LUZP1: variants seen among roughly 807,000 people sequenced by gnomAD.
The protein encoded by LUZP1 is leucine zipper protein 1, also known as filamin mechanobinding actin cross-linking protein.
A neutral mutation model predicts 71.3 loss-of-function variants in LUZP1; 25 were observed. The ratio of observed to expected loss-of-function variants is 0.35; its 90% confidence interval spans 0.26 to 0.49. The LOEUF (loss-of-function observed/expected upper bound fraction) is 0.49. Ranked by LOEUF, LUZP1 falls within the 20% of genes least tolerant of loss-of-function variation. The probability of loss-of-function intolerance (pLI) is 0.99; values close to 1 mark genes in which losing one functional copy is unlikely to be tolerated. For missense variants in LUZP1, 1,142 were observed against 1,300.8 expected (o/e 0.88, Z 1.88); for synonymous variants, 481 against 506.4 (o/e 0.95, Z 0.67).
intron 2 of LUZP1, among the ~76,000 whole-genome samples, chr1:23,130,643 C>T (rs1247579704): frequency 6.7e-6 from 1 of 150,264 alleles, no homozygotes; most frequent in East Asian, 2.0e-4. Context: ...GGATTTCAGG[C>T]GTGAACCACC....
chr1:23,164,787 T>C (rs1408431251), intron 2 of LUZP1, among the ~76,000 whole-genome samples: 3 of 152,194 alleles, frequency 2.0e-5, no homozygotes, highest in African/African-American at 4.8e-5. Flanking sequence ...TATTCTGTCA[T>C]AGGTGGAAGG....
exon 4 of LUZP1, chr1:23,092,694 G>A (rs1355158561): frequency 2.5e-6 from 4 of 1,613,928 alleles, no homozygotes; most frequent in Non-Finnish European, 2.5e-6. Flanking sequence ...TCTACCCAAT[G>A]GGTCACTGGG....
At chr1:23,107,259 CT>C (rs1198873067) in intron 3 of LUZP1, among the ~76,000 whole-genome samples, 1 of 152,166 alleles carries the variant, frequency 6.6e-6, no homozygotes, top group East Asian at 1.9e-4. Context: ...CCTTACGCTG[CT>C]TTTTTGTCTT....
intron 2 of LUZP1, among the ~76,000 whole-genome samples, chr1:23,119,112 C>T (rs1644109332): frequency 6.6e-6 from 1 of 152,096 alleles, no homozygotes; most frequent in Non-Finnish European, 1.5e-5. Context: ...TGACTTGATG[C>T]TAATTTCTCA....
intron 2 of LUZP1, among the ~76,000 whole-genome samples, chr1:23,111,026 C>T (rs1275605598): frequency 2.6e-5 from 4 of 151,178 alleles, no homozygotes; most frequent in Non-Finnish European, 5.9e-5. Context: ...ATGGTGAAAC[C>T]CCATCTCTAC....
chr1:23,157,682 T>G (rs560314815), intron 2 of LUZP1, among the ~76,000 whole-genome samples: 1 of 151,906 alleles, frequency 6.6e-6, no homozygotes, highest in Non-Finnish European at 1.5e-5. Flanking sequence ...TCCCAGATAC[T>G]CAGGAGGCTG....
chr1:23,103,861 A>G (rs1569573294), intron 3 of LUZP1, among the ~76,000 whole-genome samples: 1 of 4,618 alleles, frequency 2.2e-4, no homozygotes, highest in Non-Finnish European at 5.0e-4. Context: ...GGAGGGAGGG[A>G]GGGAGGGAGG....
At chr1:23,109,681 T>C (rs898335250) in intron 2 of LUZP1, 1 of 152,244 alleles carries the variant, frequency 6.6e-6, no homozygotes, top group African/African-American at 2.4e-5. Context: ...CTTCAGGCTA[T>C]ATGTATAAGG....
At chr1:23,103,420 G>A (rs1643947499) in intron 3 of LUZP1, among the ~76,000 whole-genome samples, 1 of 152,060 alleles carries the variant, frequency 6.6e-6, no homozygotes, top group South Asian at 2.1e-4. Context: ...CAAGAGTGAG[G>A]GACCCAGCTA....
Position 23,093,509 on chromosome 1 carries a change from C to T in LUZP1, c.753G>A (p.Pro251=), listed in dbSNP as rs765816363. The T allele has an allele frequency of 1.8e-5, 29 of 1,613,028 alleles. 2 individuals are homozygous for T. In the East Asian group the frequency reaches 2.2e-4, roughly 12 times the overall value. ...CACCCTTCCTTCTTGATTCTTTGGA[C>T]GGCAGTGTGGAAGAGATGCCATCCT... Residue 251 remains proline, a synonymous_variant, in exon 4 of 5, where the codon CCG becomes CCA. Transcript: ENST00000302291. This position sits in a 1 kb window ranked among gnomAD's most constrained non-coding sequence, Gnocchi z 4.2.
In LUZP1 at chr1:23,113,809, G is replaced by C. The variant is rs538036269; in HGVS notation, c.-225-4682C>G. Reference sequence around the variant, plus strand: ...GCAGGAGAATCGCCTGAATCCGGGAGGCAGAGCTTGCAGTGAGCCGAGATT... The same window carrying C: ...GCAGGAGAATCGCCTGAATCCGGGACGCAGAGCTTGCAGTGAGCCGAGATT... On this transcript the variant is annotated intron_variant, in intron 2 of 4. Coordinates refer to ENST00000302291, the Ensembl canonical transcript of LUZP1. Among the ~76,000 whole-genome samples the C allele has an allele frequency of 1.3e-4, 20 of 152,002 alleles. No homozygotes were observed. The South Asian group carries it at 4.0e-3, about 30-fold the overall frequency.
Position 23,091,398 on chromosome 1 carries a change from C to T in LUZP1, c.2864G>A (p.Arg955Lys), listed in dbSNP as rs139395162. 29 of 1,614,166 alleles carry T rather than the reference C, an allele frequency of 1.8e-5. No individual in the cohort carries two copies. The African/African-American group carries it at 2.9e-4, about 16-fold the overall frequency. Reference sequence around the variant, plus strand: ...GAGTTCTGAGAAGTCTGTGGAAGACCTCTGGGTGTAGGCATTGCTATTGGT... The same window carrying T: ...GAGTTCTGAGAAGTCTGTGGAAGACTTCTGGGTGTAGGCATTGCTATTGGT... The change falls in exon 4 of 5, where the codon AGG becomes AAG. Residue 955 changes from arginine (R) to lysine (K), a missense_variant. Coordinates refer to ENST00000302291, the Ensembl canonical transcript of LUZP1.
intron 1 of LUZP1, among the ~76,000 whole-genome samples, chr1:23,172,290 CAAGTG>C (rs1308902979): frequency 2.0e-5 from 3 of 152,138 alleles, no homozygotes; most frequent in African/African-American, 7.2e-5. Flanking sequence ...TGCCGAATTA[CAAGTG>C]TAGTAGGATC....
At chr1:23,139,443 T>C (rs372619548) in intron 2 of LUZP1, among the ~76,000 whole-genome samples, 165 of 152,124 alleles carry the variant, frequency 1.1e-3, no homozygotes, top group African/African-American at 3.9e-3. Flanking sequence ...TACAGATGGA[T>C]TTTCTTCTAC....
intron 2 of LUZP1, among the ~76,000 whole-genome samples, chr1:23,135,588 C>A (rs2124695357): frequency 6.6e-6 from 1 of 152,254 alleles, no homozygotes; most frequent in Non-Finnish European, 1.5e-5. Context: ...AATCAGGATT[C>A]AAAGCAACCA....
chr1:23,147,773 ATGTT>A (rs982433161), intron 2 of LUZP1, among the ~76,000 whole-genome samples: 5 of 152,200 alleles, frequency 3.3e-5, no homozygotes, highest in African/African-American at 4.8e-5. Flanking sequence ...TATCTAAAAA[ATGTT>A]TGTCTCAAAG....
rs572090823 is a variant in LUZP1, at chr1:23,158,441, G to C, written c.-226+10325C>G. 2.0e-5 allele frequency among the ~76,000 whole-genome samples: 3 copies of C among 152,002 alleles called. No individual in the cohort carries two copies. In the South Asian group the frequency reaches 6.3e-4, roughly 32 times the overall value. On this transcript the variant is annotated intron_variant, in intron 2 of 4. Transcript: ENST00000302291. ...CAAGGCAGGCAGATCACGCGGTCAGGAGTTCGAGACCAGCCTGGCCAACAT... is the reference window on the plus strand; with the variant it reads ...CAAGGCAGGCAGATCACGCGGTCAGCAGTTCGAGACCAGCCTGGCCAACAT...
intron 2 of LUZP1, among the ~76,000 whole-genome samples, chr1:23,120,604 T>C (rs1469250589): frequency 6.6e-6 from 1 of 152,002 alleles, no homozygotes; most frequent in Admixed American, 6.6e-5. Flanking sequence ...ACGATCCTCT[T>C]CTCTCGACCT....
chr1:23,090,799 C>A lies in LUZP1; in HGVS notation c.3072+391G>T. On this transcript the variant is annotated intron_variant, in intron 4 of 4. Coordinates refer to ENST00000302291, the Ensembl canonical transcript of LUZP1. ...CTCACTGTGCCCTACAGAAAGGGCA[C>A]CGGGCCTCCTCCTGTTGCCCAGAGC... 6 of 710,532 alleles carry A rather than the reference C, an allele frequency of 8.4e-6. 1 individual carries two copies. Among genetic ancestry groups the A allele is most frequent in the South Asian group, 5.9e-5 (4 of 67,366 alleles). The allele number at this position is 710,532 out of a possible 1,614,324, so 44.0% of individuals were successfully genotyped here.
Sources: gnomAD v4.1 joint callset for allele counts (sites outside exome capture counted in the v4.1 genomes callset) on GRCh38, gnomAD v4.1.1 for gene constraint, Gnocchi (gnomAD v3.1) non-coding constraint, MANE v1.5 for transcripts, NCBI Gene and HGNC (gene_info 2026-07-23, HGNC 2026-07-21) for gene names.